Variants in PCDHGB7 observed in about 807,000 individuals in gnomAD.
PCDHGB7 encodes protocadherin gamma subfamily B, 7.
In PCDHGB7, 37 loss-of-function variants were observed where a neutral mutation model predicts 61.4. The observed-to-expected ratio is 0.60, with a 90% CI of 0.46 to 0.79. PCDHGB7 has a LOEUF of 0.79. Among genes scored for constraint, PCDHGB7 ranks in the 30% least tolerant of loss-of-function variants. PCDHGB7 has a pLI of 0.00. For missense variants in PCDHGB7, 1,166 were observed against 1,202.5 expected (o/e 0.97, Z 0.45); for synonymous variants, 464 against 503.5 (o/e 0.92, Z 1.05).
rs757663132 is a variant in PCDHGB7 at position 141,510,991 on chromosome 5, A to G, written c.2608A>G (p.Met870Val). ...CACCCTGGGAGGGGGTGCCGGCACC[A>G]TGGGATTGAGCGCCCGCTACGGACC... is the stretch of plus-strand genomic sequence containing the variant. ...SSTLGGGAGT[M>V]GLSARYGPQF... is the part of the protein sequence containing the mutation. Residue 870 changes from methionine (M) to valine (V), a missense_variant, in exon 4 of 4, where the codon ATG becomes GTG. Coordinates refer to ENST00000398594, the MANE Select transcript of PCDHGB7 (RefSeq NM_018927.4). 1.2e-6 allele frequency: 2 copies of G among 1,614,136 alleles called. No individual in the cohort carries two copies. Among genetic ancestry groups the G allele is most frequent in the Admixed American group, 3.3e-5 (2 of 60,022 alleles).
Position 141,490,270 on chromosome 5 carries a change from A to G in PCDHGB7, c.2416-4537A>G. On this transcript the variant is annotated intron_variant, in intron 1 of 3. Coordinates refer to ENST00000398594, the MANE Select transcript of PCDHGB7 (RefSeq NM_018927.4). The surrounding 1 kb of genome is among the most constrained non-coding windows in gnomAD (Gnocchi z 5.4). The stretch of plus-strand genomic sequence containing the variant: ...GATTCAAGTGGATGTGGGGGATGTC[A>G]ATGACAATGCCCCAGAGGTGCTATT... The G allele has an allele frequency of 6.2e-7, 1 of 1,614,226 alleles. No individual in the cohort carries two copies. Among genetic ancestry groups the G allele is most frequent in the African/African-American group, 1.3e-5 (1 of 75,060 alleles).
chr5:141,452,844 C>T (rs1239022315), intron 1 of PCDHGB7, among the ~76,000 whole-genome samples: 1 of 152,204 alleles, frequency 6.6e-6, no homozygotes, highest in Non-Finnish European at 1.5e-5. Context: ...CCAGCCCACA[C>T]TCTGGGGAGA....
chr5:141,450,899 A>C (rs1045595271), intron 1 of PCDHGB7, among the ~76,000 whole-genome samples: 1 of 149,514 alleles, frequency 6.7e-6, no homozygotes, highest in Non-Finnish European at 1.5e-5. Context: ...ATATCGGCTC[A>C]CTGCAACCGC....
intron 1 of PCDHGB7, among the ~76,000 whole-genome samples, chr5:141,425,482 C>T (rs1257043728): frequency 6.6e-6 from 1 of 152,192 alleles, no homozygotes; most frequent in Non-Finnish European, 1.5e-5. Context: ...CCTATGGCAA[C>T]CTACTAGGCT....
intron 1 of PCDHGB7, chr5:141,421,172 G>T: frequency 7.3e-7 from 1 of 1,366,164 alleles, no homozygotes. Flanking sequence ...AGATACATAA[G>T]CCGATTCACA....
In PCDHGB7 at chr5:141,419,703, G is replaced by C. The variant is rs2096418539; in HGVS notation, c.1844G>C (p.Gly615Ala). 1 of 1,612,946 alleles carries C rather than the reference G, an allele frequency of 6.2e-7. No individual in the cohort carries two copies. The highest frequency in any genetic ancestry group is 1.3e-5 in the African/African-American group (1 of 74,946). The stretch of plus-strand genomic sequence containing the variant: ...CACGTGGTGCAGGCCAGTGAGCCCG[G>C]GCTCTTCAGCCTGGGGCTGCGAACA... ...SYHVVQASEP[G>A]LFSLGLRTGE... is the part of the protein sequence containing the mutation. Residue 615 changes from glycine (G) to alanine (A), a missense_variant, in exon 1 of 4, where the codon GGG becomes GCG. Physicochemically the swap from Gly to Ala is moderately conservative, Grantham distance 60 (BLOSUM62 0). Coordinates refer to ENST00000398594, the MANE Select transcript of PCDHGB7 (RefSeq NM_018927.4).
chr5:141,421,926 C>T, intron 1 of PCDHGB7: 1 of 1,613,460 alleles, frequency 6.2e-7, no homozygotes, highest in Non-Finnish European at 8.5e-7. Context: ...GTGTGGTGGT[C>T]CTCGATGTAA....
intron 1 of PCDHGB7, among the ~76,000 whole-genome samples, chr5:141,451,630 C>T (rs899343801): frequency 2.0e-5 from 3 of 152,132 alleles, no homozygotes; most frequent in Non-Finnish European, 2.9e-5. Flanking sequence ...ACCTGTAATT[C>T]CAGCACTCTG....
In PCDHGB7 at chr5:141,419,773, C is replaced by G. The variant is rs2096431068; in HGVS notation, c.1914C>G (p.Val638=). ...GTGCTTTGGGTGACAAGGACTCGGTCCGCCAGCGCCTGCTAGTCGCTGTAA... is the reference window on the plus strand; with the variant it reads ...GTGCTTTGGGTGACAAGGACTCGGTGCGCCAGCGCCTGCTAGTCGCTGTAA... ...MVRALGDKDS[V]RQRLLVAVRD... is the part of the protein sequence containing the mutation. Residue 638 remains valine (V), a synonymous_variant, in exon 1 of 4, where the codon GTC becomes GTG. Transcript: ENST00000398594. 6.2e-7 allele frequency: 1 copy of G among 1,613,916 alleles called. No homozygotes were observed. Among genetic ancestry groups the G allele is most frequent in the Non-Finnish European group, 8.5e-7 (1 of 1,179,910 alleles).
In PCDHGB7 at chr5:141,420,030, G is replaced by A. The variant is rs1269646706; in HGVS notation, c.2171G>A (p.Gly724Glu). 6.2e-7 allele frequency: 1 copy of A among 1,613,940 alleles called. No homozygotes were observed. Among genetic ancestry groups the A allele is most frequent in the Non-Finnish European group, 8.5e-7 (1 of 1,179,916 alleles). The change falls in exon 1 of 4, where the codon GGA (glycine) becomes GAA (glutamate). Residue 724 changes from glycine (G) to glutamate (E), a missense_variant. Gly to Glu is a moderately conservative substitution (Grantham distance 98). Transcript: ENST00000398594. ...RLRQSFSPTA[G>E]DCFESVLCSK... Reference sequence around the variant, plus strand: ...CGACAGTCTTTCAGCCCTACTGCAGGAGACTGCTTTGAGTCAGTTCTCTGC... The same window carrying A: ...CGACAGTCTTTCAGCCCTACTGCAGAAGACTGCTTTGAGTCAGTTCTCTGC...
At chr5:141,421,529 C>T in intron 1 of PCDHGB7, 1 of 1,614,020 alleles carries the variant, frequency 6.2e-7, no homozygotes, top group Non-Finnish European at 8.5e-7. Flanking sequence ...GAGACGGTGT[C>T]CTCCTGTTTT....
At chr5:141,495,007 G>A in intron 2 of PCDHGB7, 142 bp downstream of exon 2, 4 of 1,522,158 alleles carry the variant, frequency 2.6e-6, no homozygotes, top group Non-Finnish European at 3.5e-6. Context: ...TTGGTGTGCG[G>A]GGGGCTGGCA....
At position 141,420,090 on chromosome 5, in the gene PCDHGB7, G is replaced by A. The variant is rs779478924; in HGVS notation, c.2231G>A (p.Ser744Asn). 4.2e-5 allele frequency: 68 copies of A among 1,613,932 alleles called. No individual in the cohort carries two copies. Among genetic ancestry groups the A allele is most frequent in the Non-Finnish European group, 5.7e-5 (67 of 1,179,886 alleles). Residue 744 changes from serine (S) to asparagine (N), a missense_variant, in exon 1 of 4, where the codon AGT (serine) becomes AAT (asparagine). Coordinates refer to ENST00000398594, the MANE Select transcript of PCDHGB7 (RefSeq NM_018927.4). ...GGACCTGTGGGTCCCCCCAACTACA[G>A]TGAGGGAACGTTGCCCTATGCCTAT... ...KSGPVGPPNY[S>N]EGTLPYAYNF...
At chr5:141,496,588 C>T (rs775641672) in intron 2 of PCDHGB7, among the ~76,000 whole-genome samples, 9 of 152,280 alleles carry the variant, frequency 5.9e-5, no homozygotes, top group Non-Finnish European at 1.0e-4. Context: ...GAACGCAAAG[C>T]GCTTCTTAGA....
At chr5:141,428,606 A>G (rs1270096118) in intron 1 of PCDHGB7, 4 of 216,044 alleles carry the variant, frequency 1.9e-5, no homozygotes, top group Admixed American at 1.6e-4. Context: ...TTCACTGAAG[A>G]GAATAACAAG....
Position 141,490,970 on chromosome 5 carries a change from A to G in PCDHGB7, c.2416-3837A>G. ...CCAGACTGGGAACACTCAGCCCCCC[A>G]GCGTCTCCCTCGCTCTGCTCCTCCT... On this transcript the variant is annotated intron_variant, in intron 1 of 3. Coordinates refer to ENST00000398594, the MANE Select transcript of PCDHGB7 (RefSeq NM_018927.4). This position sits in a 1 kb window ranked among gnomAD's most constrained non-coding sequence, Gnocchi z 5.4. 1 of 1,613,858 alleles carries G rather than the reference A, an allele frequency of 6.2e-7. No individual in the cohort carries two copies. Among genetic ancestry groups the G allele is most frequent in the South Asian group, 1.1e-5 (1 of 91,062 alleles).
intron 1 of PCDHGB7, among the ~76,000 whole-genome samples, chr5:141,482,498 T>G (rs1226516612): frequency 1.5e-5 from 2 of 135,390 alleles, no homozygotes; most frequent in African/African-American, 3.0e-5. Context: ...GTTATCATTC[T>G]GGTACCCAGA....
At chr5:141,440,982 A>G (rs940098060) in intron 1 of PCDHGB7, 4 of 152,234 alleles carry the variant, frequency 2.6e-5, no homozygotes, top group Non-Finnish European at 5.9e-5. Context: ...TTCACAACCC[A>G]GAGTACCCAT....
intron 1 of PCDHGB7, among the ~76,000 whole-genome samples, chr5:141,467,297 CT>C (rs1229166213): frequency 2.0e-5 from 3 of 152,182 alleles, no homozygotes; most frequent in African/African-American, 7.2e-5. Context: ...AAGTGATCCA[CT>C]CACCTCGGCC....
Sources: gnomAD v4.1 joint callset for allele counts (sites outside exome capture counted in the v4.1 genomes callset) on GRCh38, gnomAD v4.1.1 for gene constraint, Gnocchi (gnomAD v3.1) non-coding constraint, MANE v1.5 for transcripts, NCBI Gene and HGNC (gene_info 2026-07-23, HGNC 2026-07-21) for gene names.